DDX53: variants seen among roughly 807,000 people sequenced by gnomAD.
The protein encoded by DDX53 is DEAD box protein 53.
For missense variants in DDX53, 481 were observed against 485.1 expected (o/e 0.99, Z 0.08); for synonymous variants, 179 against 170.8 (o/e 1.05, Z -0.37).
rs760772798 is a variant in DDX53 at position 23,002,788 on chromosome X, T to C, written c.*835T>C. On this transcript the variant is annotated 3_prime_UTR_variant, in exon 1 of 1. Coordinates refer to ENST00000327968, the MANE Select transcript of DDX53 (RefSeq NM_182699.4). ...AATACTTTTATTTTAGGTTTGGGGG[T>C]ATATGTGAAGGTTTGTTAAAGAAAC... The C allele has an allele frequency of 8.1e-6, 1 of 122,937 alleles. No homozygotes were observed. The highest frequency in any genetic ancestry group is 1.9e-5 in the Non-Finnish European group (1 of 53,175). The allele number at this position is 122,937 out of a possible 1,213,427, so 10.1% of individuals were successfully genotyped here. A position where few individuals can be genotyped will look rare whatever the true frequency, so the allele number is the denominator to read the frequency against.
chrX:23,002,464 A>G lies in DDX53; in HGVS notation c.*511A>G, dbSNP rs893007110. On this transcript the variant is annotated 3_prime_UTR_variant, in exon 1 of 1. Transcript: ENST00000327968. ...TGTCATGGGGGTTTATCAACTTTCA[A>G]TATTGTGTATGCTCCTTAATTTTAA... is the stretch of plus-strand genomic sequence containing the variant. 4.9e-5 allele frequency: 6 copies of G among 121,814 alleles called. No homozygotes were observed. Among genetic ancestry groups the G allele is most frequent in the East Asian group, 5.8e-4 (2 of 3,466 alleles). The allele number at this position is 121,814 out of a possible 1,213,427, so 10.0% of individuals were successfully genotyped here.
Position 23,001,595 on chromosome X carries a change from T to C in DDX53, c.1538T>C (p.Phe513Ser), listed in dbSNP as rs773427851. 6 of 1,209,131 alleles carry C rather than the reference T, an allele frequency of 5.0e-6. No individual in the cohort carries two copies. The highest frequency in any genetic ancestry group is 5.6e-6 in the Non-Finnish European group (5 of 894,806). Residue 513 changes from phenylalanine to serine, a missense_variant, in exon 1 of 1, where the codon TTT becomes TCT. By Grantham distance (155) the Phe-to-Ser change is radical (BLOSUM62 -2). Coordinates refer to ENST00000327968, the MANE Select transcript of DDX53 (RefSeq NM_182699.4). ...QSDQERAVEDFKSGNIKILIT... is the reference protein window; with the variant it reads ...QSDQERAVEDSKSGNIKILIT... ...GATCAAGAGCGAGCAGTAGAGGACT[T>C]TAAAAGCGGAAACATAAAGATACTG...
chrX:23,001,285 T>C lies in DDX53; in HGVS notation c.1228T>C (p.Trp410Arg), dbSNP rs1290019448. 8.3e-7 allele frequency: 1 copy of C among 1,210,103 alleles called. No individual in the cohort carries two copies. Among genetic ancestry groups the C allele is most frequent in the Non-Finnish European group, 1.1e-6 (1 of 895,226 alleles). Residue 410 changes from tryptophan (W) to arginine (R), a missense_variant, in exon 1 of 1, where the codon TGG (tryptophan) becomes CGG (arginine). Physicochemically the swap from Trp to Arg is moderately radical, Grantham distance 101 (BLOSUM62 -3). Coordinates refer to ENST00000327968, the MANE Select transcript of DDX53 (RefSeq NM_182699.4). ...ACAGACTGTTATGACAAGTGCAACT[T>C]GGCCAGATACTGTACGTCAACTAGC... ...DRQTVMTSAT[W>R]PDTVRQLALS...
rs1933781762 is a variant in DDX53 at position 23,000,046 on chromosome X, C to T, written c.-12C>T. 2 of 1,073,453 alleles carry T rather than the reference C, an allele frequency of 1.9e-6. No homozygotes were observed. Among genetic ancestry groups the T allele is most frequent in the African/African-American group, 1.9e-5 (1 of 52,597 alleles). The allele number at this position is 1,073,453 out of a possible 1,213,427, so 88.5% of individuals were successfully genotyped here. A position where few individuals can be genotyped will look rare whatever the true frequency, so the allele number is the denominator to read the frequency against. On this transcript the variant is annotated 5_prime_UTR_variant, in exon 1 of 1. Transcript: ENST00000327968. Reference sequence around the variant, plus strand: ...GGCGAGAAGCCGGTGCCGATACTCCCACTATCCCACAATGTCCCACTGGGC... The same window carrying T: ...GGCGAGAAGCCGGTGCCGATACTCCTACTATCCCACAATGTCCCACTGGGC...
rs1245368751 is a variant in DDX53, at chrX:23,001,367, C to T, written c.1310C>T (p.Ala437Val). Reference protein sequence around the residue: ...IVYVGNLNLVAVNTVKQNIIV... With the variant: ...IVYVGNLNLVVVNTVKQNIIV... ...TATGTTGGTAATCTGAATCTAGTGG[C>T]TGTAAATACAGTGAAGCAAAATATA... The change falls in exon 1 of 1, where the codon GCT becomes GTT. Residue 437 changes from alanine to valine, a missense_variant. Ala to Val is a moderately conservative substitution (Grantham distance 64). Transcript: ENST00000327968. 1.7e-6 allele frequency: 2 copies of T among 1,210,069 alleles called. No individual in the cohort carries two copies.
chrX:23,000,007 TC>T lies in DDX53; in HGVS notation c.-49del, dbSNP rs1933780983. 9.1e-6 allele frequency: 9 copies of T among 987,351 alleles called. No homozygotes were observed. Among genetic ancestry groups the T allele is most frequent in the South Asian group, 4.1e-5 (1 of 24,332 alleles). The allele number at this position is 987,351 out of a possible 1,213,427, so 81.4% of individuals were successfully genotyped here. A position where few individuals can be genotyped will look rare whatever the true frequency, so the allele number is the denominator to read the frequency against. ...GGGAAACAGGCCGCAGACCTGAACT[TC>T]CAACCGTATGTAGGCGAGAAGCCGG... On this transcript the variant is annotated 5_prime_UTR_variant, in exon 1 of 1. Coordinates refer to ENST00000327968, the MANE Select transcript of DDX53 (RefSeq NM_182699.4).
rs1252481344 is a variant in DDX53 at position 23,001,088 on chromosome X, A to C, written c.1031A>C (p.Lys344Thr). The C allele has an allele frequency of 8.3e-7, 1 of 1,208,473 alleles. No homozygotes were observed. The highest frequency in any genetic ancestry group is 1.1e-6 in the Non-Finnish European group (1 of 894,697). ...AATGGACAAATAGAAGACATTAGCAAAGGTGTAGATATCATTATTGCAACT... is the reference window on the plus strand; with the variant it reads ...AATGGACAAATAGAAGACATTAGCACAGGTGTAGATATCATTATTGCAACT... ...NRNGQIEDIS[K>T]GVDIIIATPG... The change falls in exon 1 of 1, where the codon AAA (lysine) becomes ACA (threonine). Residue 344 changes from lysine (K) to threonine (T), a missense_variant. Transcript: ENST00000327968.
At position 23,000,747 on chromosome X, in the gene DDX53, C is replaced by T. The variant is rs1933796324; in HGVS notation, c.690C>T (p.Tyr230=). The T allele has an allele frequency of 8.3e-7, 1 of 1,211,725 alleles. No individual in the cohort carries two copies. ...TCRFKDAFQQ[Y]PDLLKSIIRV... is the part of the protein sequence containing the mutation. ...GGTTTAAAGACGCTTTTCAGCAATA[C>T]CCTGATCTTCTGAAAAGCATAATAA... The change falls in exon 1 of 1, where the codon TAC becomes TAT. Residue 230 remains tyrosine, a synonymous_variant. Coordinates refer to ENST00000327968, the MANE Select transcript of DDX53 (RefSeq NM_182699.4).
In DDX53 at chrX:23,000,647, G is replaced by A. The variant is rs1933794646; in HGVS notation, c.590G>A (p.Arg197Lys). Residue 197 changes from arginine (R) to lysine (K), a missense_variant, in exon 1 of 1, where the codon AGA becomes AAA. Physicochemically the swap from Arg to Lys is conservative, Grantham distance 26. Coordinates refer to ENST00000327968, the MANE Select transcript of DDX53 (RefSeq NM_182699.4). Reference protein sequence around the residue: ...CMSEMQVINWRKENFNITCDD... With the variant: ...CMSEMQVINWKKENFNITCDD... Reference sequence around the variant, plus strand: ...TCTGAAATGCAGGTGATTAACTGGAGAAAGGAAAATTTCAACATAACGTGT... The same window carrying A: ...TCTGAAATGCAGGTGATTAACTGGAAAAAGGAAAATTTCAACATAACGTGT... The A allele has an allele frequency of 1.7e-6, 2 of 1,212,080 alleles. No individual in the cohort carries two copies. Among genetic ancestry groups the A allele is most frequent in the East Asian group, 5.9e-5 (2 of 33,841 alleles).
chrX:23,003,538 G>C lies in DDX53; in HGVS notation c.*1585G>C, dbSNP rs774058698. On this transcript the variant is annotated 3_prime_UTR_variant, in exon 1 of 1. Transcript: ENST00000327968. ...TATTAACACTTTTTTGTCTAATCTAGGGGAAATTGCATCCTTGTATAATTG... is the reference window on the plus strand; with the variant it reads ...TATTAACACTTTTTTGTCTAATCTACGGGAAATTGCATCCTTGTATAATTG... 766 of 123,529 alleles carry C rather than the reference G, an allele frequency of 6.2e-3. 4 individuals are homozygous for C. Among genetic ancestry groups the C allele is most frequent in the Non-Finnish European group, 5.0e-3 (267 of 53,314 alleles). 10.2% of individuals were successfully genotyped at this position (123,529 alleles called of 1,213,427 possible).
At position 23,000,284 on chromosome X, in the gene DDX53, A is replaced by G. The variant is rs756660873; in HGVS notation, c.227A>G (p.His76Arg). The G allele has an allele frequency of 4.2e-6, 5 of 1,193,476 alleles. No individual in the cohort carries two copies. Among genetic ancestry groups the G allele is most frequent in the Non-Finnish European group, 5.6e-6 (5 of 888,625 alleles). Residue 76 changes from histidine to arginine, a missense_variant, in exon 1 of 1, where the codon CAT becomes CGT. By Grantham distance (29) the His-to-Arg change is conservative. Coordinates refer to ENST00000327968, the MANE Select transcript of DDX53 (RefSeq NM_182699.4). ...GGATCAAAAATAAAAGATCTACAACATTCGACAAACACTAAAATACAGATC... is the reference window on the plus strand; with the variant it reads ...GGATCAAAAATAAAAGATCTACAACGTTCGACAAACACTAAAATACAGATC... Reference protein sequence around the residue: ...YSGSKIKDLQHSTNTKIQIIN... With the variant: ...YSGSKIKDLQRSTNTKIQIIN...
chrX:23,000,210 C>T lies in DDX53; in HGVS notation c.153C>T (p.Leu51=). ...PRAAGSREPP[L]CFKIKNNMVG... is the part of the protein sequence containing the mutation. ...CAGCAGGCTCCCGTGAACCACCACTCTGCTTTAAAATAAAGAACAATATGG... is the reference window on the plus strand; with the variant it reads ...CAGCAGGCTCCCGTGAACCACCACTTTGCTTTAAAATAAAGAACAATATGG... The change falls in exon 1 of 1, where the codon CTC becomes CTT. Residue 51 remains leucine, a synonymous_variant. Transcript: ENST00000327968. 1.7e-6 allele frequency: 2 copies of T among 1,195,286 alleles called. No individual in the cohort carries two copies. Among genetic ancestry groups the T allele is most frequent in the Middle Eastern group, 2.3e-4 (1 of 4,285 alleles).
rs773037050 is a variant in DDX53 at position 23,001,521 on chromosome X, T to C, written c.1464T>C (p.Asn488=). The C allele has an allele frequency of 4.1e-5, 50 of 1,210,271 alleles. No homozygotes were observed. In the Admixed American group the frequency reaches 9.4e-4, roughly 23 times the overall value. ...HIADDLSSDF[N]IQGISAESLH... ...CTGATGACTTGTCAAGCGACTTCAA[T>C]ATCCAAGGCATATCTGCAGAATCAT... is the stretch of plus-strand genomic sequence containing the variant. Residue 488 remains asparagine (N), a synonymous_variant, in exon 1 of 1, where the codon AAT becomes AAC. Coordinates refer to ENST00000327968, the MANE Select transcript of DDX53 (RefSeq NM_182699.4).
In DDX53 at chrX:23,001,961, T is replaced by C. The variant is rs1354444204; in HGVS notation, c.*8T>C. 2.7e-5 allele frequency: 31 copies of C among 1,161,752 alleles called. No homozygotes were observed. The highest frequency in any genetic ancestry group is 3.6e-5 in the Non-Finnish European group (31 of 867,510). The stretch of plus-strand genomic sequence containing the variant: ...TTTTATTTTTTAAGTTGAAAAGTTG[T>C]ACCAGGCTACTGGAAGATTCCAGGC... On this transcript the variant is annotated 3_prime_UTR_variant, in exon 1 of 1. Coordinates refer to ENST00000327968, the MANE Select transcript of DDX53 (RefSeq NM_182699.4).
In DDX53 at chrX:23,001,784, C is replaced by T. The variant is rs1353262448; in HGVS notation, c.1727C>T (p.Ser576Leu). Residue 576 changes from serine (S) to leucine (L), a missense_variant, in exon 1 of 1, where the codon TCG becomes TTG. Physicochemically the swap from Ser to Leu is moderately radical, Grantham distance 145 (BLOSUM62 -2). Coordinates refer to ENST00000327968, the MANE Select transcript of DDX53 (RefSeq NM_182699.4). Reference sequence around the variant, plus strand: ...GTTACCCTCATCACTCAGAGAGATTCGAAAATGGCCGGTGAATTGATTAAA... The same window carrying T: ...GTTACCCTCATCACTCAGAGAGATTTGAAAATGGCCGGTGAATTGATTAAA... The part of the protein sequence containing the change: ...TSVTLITQRD[S>L]KMAGELIKIL... The T allele has an allele frequency of 1.7e-6, 2 of 1,209,456 alleles. No homozygotes were observed. The highest frequency in any genetic ancestry group is 1.8e-5 in the African/African-American group (1 of 57,039).
Position 23,001,991 on chromosome X carries a change from T to G in DDX53, c.*38T>G, listed in dbSNP as rs202047830. 1 of 1,060,073 alleles carries G rather than the reference T, an allele frequency of 9.4e-7. No individual in the cohort carries two copies. The highest frequency in any genetic ancestry group is 3.1e-5 in the East Asian group (1 of 32,502). 87.4% of individuals were successfully genotyped at this position (1,060,073 alleles called of 1,213,427 possible). ...GGCTACTGGAAGATTCCAGGCATGT[T>G]AAAGATATGCAGTATTGAATATATG... On this transcript the variant is annotated 3_prime_UTR_variant, in exon 1 of 1. Coordinates refer to ENST00000327968, the MANE Select transcript of DDX53 (RefSeq NM_182699.4).
rs201459158 is a variant in DDX53 at position 23,001,675 on chromosome X, T to C, written c.1618T>C (p.Tyr540His). 2.7e-4 allele frequency: 324 copies of C among 1,209,585 alleles called. No individual in the cohort carries two copies. Among genetic ancestry groups the C allele is most frequent in the South Asian group, 1.1e-3 (64 of 56,770 alleles). Residue 540 changes from tyrosine to histidine, a missense_variant, in exon 1 of 1, where the codon TAT (tyrosine) becomes CAT (histidine). Physicochemically the swap from Tyr to His is moderately conservative, Grantham distance 83. Coordinates refer to ENST00000327968, the MANE Select transcript of DDX53 (RefSeq NM_182699.4). ...TGATCTTAATGATGTCACACATGTA[T>C]ATAATTATGATTTCCCAAGGAATAT... ...GLDLNDVTHV[Y>H]NYDFPRNIDV...
In DDX53 at chrX:23,001,357, A is replaced by G. The variant is rs780830568; in HGVS notation, c.1300A>G (p.Asn434Asp). 2 of 1,211,349 alleles carry G rather than the reference A, an allele frequency of 1.7e-6. No individual in the cohort carries two copies. Among genetic ancestry groups the G allele is most frequent in the South Asian group, 3.5e-5 (2 of 56,891 alleles). Residue 434 changes from asparagine (N) to aspartate (D), a missense_variant, in exon 1 of 1, where the codon AAT (asparagine) becomes GAT (aspartate). Physicochemically the swap from Asn to Asp is conservative, Grantham distance 23 (BLOSUM62 1). Coordinates refer to ENST00000327968, the MANE Select transcript of DDX53 (RefSeq NM_182699.4). ...DPMIVYVGNL[N>D]LVAVNTVKQN... ...TATGATTGTTTATGTTGGTAATCTG[A>G]ATCTAGTGGCTGTAAATACAGTGAA...
In DDX53 at chrX:23,001,206, T is replaced by C. The variant is rs1933805891; in HGVS notation, c.1149T>C (p.Asp383=). Residue 383 remains aspartate, a synonymous_variant, in exon 1 of 1, where the codon GAT becomes GAC. Transcript: ENST00000327968. The stretch of plus-strand genomic sequence containing the variant: ...TAGATGAGGCAGATAAAATGCTGGA[T>C]ATGGAATTTGAACCCCAGATAAGGA... ...LVIDEADKML[D]MEFEPQIRKI... is the part of the protein sequence containing the mutation. 2.5e-6 allele frequency: 3 copies of C among 1,211,476 alleles called. No individual in the cohort carries two copies. The highest frequency in any genetic ancestry group is 2.2e-6 in the Non-Finnish European group (2 of 895,351).
Sources: gnomAD v4.1 joint callset for allele counts on GRCh38, gnomAD v4.1.1 for gene constraint, MANE v1.5 for transcripts, NCBI Gene and HGNC (gene_info 2026-07-23, HGNC 2026-07-21) for gene names.